Variants in KRT79 observed in about 807,000 individuals in gnomAD.
KRT79 encodes the protein keratin 79, also known as keratin, type II cytoskeletal 79.
In KRT79, 51 loss-of-function variants were observed where a neutral mutation model predicts 49.0. That is an observed-to-expected ratio of 1.04 (90% CI 0.83 to 1.31). KRT79 has a LOEUF of 1.31. KRT79 is among the 40% of genes most tolerant of loss of function. The pLI is 0.00. For synonymous variants in KRT79, 312 were observed against 286.6 expected (o/e 1.09, Z -0.90); for missense variants, 728 against 688.0 (o/e 1.06, Z -0.65).
In KRT79 at chr12:52,834,271, G is replaced by T. The variant is rs1325936535; in HGVS notation, c.-11C>A. Reference sequence around the variant, plus strand: ...GACGGAGGACCTCATAGCTGCAGAGGGGCCGGAGGGCAGGATGAGAGGGCA... The same window carrying T: ...GACGGAGGACCTCATAGCTGCAGAGTGGCCGGAGGGCAGGATGAGAGGGCA... On this transcript the variant is annotated 5_prime_UTR_variant, in exon 1 of 9. Transcript: ENST00000330553. 5 of 1,603,876 alleles carry T rather than the reference G, an allele frequency of 3.1e-6. No homozygotes were observed. The highest frequency in any genetic ancestry group is 4.3e-6 in the Non-Finnish European group (5 of 1,172,456).
At chr12:52,830,922 C>G (rs115277326) in intron 2 of KRT79, among the ~76,000 whole-genome samples, 4,120 of 152,066 alleles carry the variant, frequency 0.027, 185 homozygotes, top group African/African-American at 0.094. Context: ...TGTGATTATG[C>G]CACTGTATGT....
chr12:52,825,016 C>T (rs1297619585), intron 4 of KRT79, among the ~76,000 whole-genome samples: 4 of 152,186 alleles, frequency 2.6e-5, no homozygotes, highest in Non-Finnish European at 4.4e-5. Context: ...CTAGAACCAT[C>T]GTCCTTCACA....
Position 52,824,386 on chromosome 12 carries a change from AC to A in KRT79, c.856-25del, listed in dbSNP as rs760562358. The A allele has an allele frequency of 1.9e-6, 3 of 1,610,112 alleles. No individual in the cohort carries two copies. In the East Asian group the frequency reaches 6.7e-5, roughly 36 times the overall value. ...TCCTGAAGAATCAGAGACAGCTGCC[AC>A]CAGCACCCCTGCTCCAGGCCCCAGG... is the stretch of plus-strand genomic sequence containing the variant. On this transcript the variant is annotated intron_variant, in intron 4 of 8. Coordinates refer to ENST00000330553, the MANE Select transcript of KRT79 (RefSeq NM_175834.3).
rs528741340 is a variant in KRT79, at chr12:52,821,785, G to A, written c.*87C>T. ...GGTCTGAGGTCCCCTGGCTGTTCCT[G>A]CTCCTGAGAAGTGACTGGAAAGGAC... On this transcript the variant is annotated 3_prime_UTR_variant, in exon 9 of 9. Coordinates refer to ENST00000330553, the MANE Select transcript of KRT79 (RefSeq NM_175834.3). 4 of 1,232,642 alleles carry A rather than the reference G, an allele frequency of 3.2e-6. No homozygotes were observed. In the East Asian group the frequency reaches 9.9e-5, roughly 31 times the overall value. The allele number at this position is 1,232,642 out of a possible 1,614,324, so 76.4% of individuals were successfully genotyped here.
At chr12:52,832,579 CACAGGAAA>C (rs1357747323) in intron 1 of KRT79, among the ~76,000 whole-genome samples, 7 of 151,996 alleles carry the variant, frequency 4.6e-5, no homozygotes, top group African/African-American at 1.7e-4. Flanking sequence ...GGGACAGTCC[CACAGGAAA>C]ACCAAAAGTC....
chr12:52,833,737 C>A (rs754801788), intron 1 of KRT79, 47 bp downstream of exon 1: 1 of 1,492,872 alleles, frequency 6.7e-7, no homozygotes. Flanking sequence ...TATTAGAGGT[C>A]CCGCTTCTTC....
chr12:52,826,766 A>G (rs1940181459), intron 4 of KRT79, among the ~76,000 whole-genome samples: 1 of 152,156 alleles, frequency 6.6e-6, no homozygotes, highest in Middle Eastern at 3.4e-3. Context: ...TTCCTGCCCT[A>G]TGAGACACCC....
In KRT79 at chr12:52,821,891, G is replaced by A. The variant is rs376292220; in HGVS notation, c.1589C>T (p.Thr530Met). ...CAGCAGCTAATACCTCTGGCTGGACGTCTTGACCGTAGTGGTCTTCCGCAG... is the reference window on the plus strand; with the variant it reads ...CAGCAGCTAATACCTCTGGCTGGACATCTTGACCGTAGTGGTCTTCCGCAG... ...SILRKTTTVKTSSQRY is the reference protein window; with the variant it reads ...SILRKTTTVKMSSQRY Residue 530 changes from threonine to methionine, a missense_variant, in exon 9 of 9, where the codon ACG (threonine) becomes ATG (methionine). Thr to Met is a moderately conservative substitution (Grantham distance 81, BLOSUM62 -1). Coordinates refer to ENST00000330553, the MANE Select transcript of KRT79 (RefSeq NM_175834.3). The A allele has an allele frequency of 3.0e-5, 48 of 1,613,948 alleles. No individual in the cohort carries two copies. Among genetic ancestry groups the A allele is most frequent in the Middle Eastern group, 1.6e-4 (1 of 6,084 alleles).
At position 52,821,613 on chromosome 12, in the gene KRT79, C is replaced by CGCCGTCTCATTAA; in HGVS notation, c.*258_*259insTTAATGAGACGGC. ...AGAAATTCAGCCTCCTCTCGGTGGT[C>CGCCGTCTCATTAA]AAAAGGTCACCCCCAAGTCACCCAA... On this transcript the variant is annotated 3_prime_UTR_variant, in exon 9 of 9. Transcript: ENST00000330553. 2.0e-6 allele frequency: 1 copy of CGCCGTCTCATTAA among 494,336 alleles called. No homozygotes were observed. Among genetic ancestry groups the CGCCGTCTCATTAA allele is most frequent in the Non-Finnish European group, 3.6e-6 (1 of 276,416 alleles). 30.6% of individuals were successfully genotyped at this position (494,336 alleles called of 1,614,324 possible). A position where few individuals can be genotyped will look rare whatever the true frequency, so the allele number is the denominator to read the frequency against.
chr12:52,825,537 G>C (rs1414810004), intron 4 of KRT79, among the ~76,000 whole-genome samples: 1 of 152,156 alleles, frequency 6.6e-6, no homozygotes, highest in African/African-American at 2.4e-5. Flanking sequence ...CAAACCCCAG[G>C]AGTCTGACAT....
At chr12:52,822,941 C>T (rs879227021) in intron 7 of KRT79, 75 bp downstream of exon 7, 21 of 1,466,148 alleles carry the variant, frequency 1.4e-5, no homozygotes, top group East Asian at 1.1e-4. Flanking sequence ...CTCTTGACCC[C>T]GGAGCAGACT....
In KRT79 at chr12:52,821,718, G is replaced by A. The variant is rs940512481; in HGVS notation, c.*154C>T. ...AAGGAGAAAACCTGAGTAGATTTGA[G>A]CGCTTCCCAAGATGCAAATAGTCTG... On this transcript the variant is annotated 3_prime_UTR_variant, in exon 9 of 9. Transcript: ENST00000330553. 4.4e-6 allele frequency: 3 copies of A among 677,226 alleles called. No individual in the cohort carries two copies. In the African/African-American group the frequency reaches 5.4e-5, roughly 12 times the overall value. 42.0% of individuals were successfully genotyped at this position (677,226 alleles called of 1,614,324 possible).
rs1565693590 is a variant in KRT79, at chr12:52,833,987, T to C, written c.274A>G (p.Ser92Gly). The C allele has an allele frequency of 4.3e-6, 7 of 1,612,708 alleles. No individual in the cohort carries two copies. The highest frequency in any genetic ancestry group is 1.7e-4 in the Middle Eastern group (1 of 6,044). ...GRALGGFGFG[S>G]RAFMGQGAGR... ...GCCCCCTGTCCCATAAATGCCCTGC[T>C]GCCAAAGCCAAAGCCCCCCAGAGCC... Residue 92 changes from serine to glycine, a missense_variant, in exon 1 of 9, where the codon AGC (serine) becomes GGC (glycine). Transcript: ENST00000330553.
chr12:52,827,883 T>C (rs1940198666), intron 4 of KRT79, among the ~76,000 whole-genome samples: 1 of 152,180 alleles, frequency 6.6e-6, no homozygotes, highest in East Asian at 1.9e-4. Flanking sequence ...CTTGGCCTTG[T>C]TGGAGATCAC....
In KRT79 at chr12:52,833,796, G is replaced by A; in HGVS notation, c.465C>T (p.Ser155=). ...QIKTLNNKFA[S]FIDKVRFLEQ... ...CTGCTTGGCCCACCTTGTCGATGAA[G>A]GAGGCGAACTTGTTGTTGAGGGTCT... The change falls in exon 1 of 9, where the codon TCC becomes TCT. Residue 155 remains serine, a synonymous_variant. Coordinates refer to ENST00000330553, the MANE Select transcript of KRT79 (RefSeq NM_175834.3). 1 of 1,613,796 alleles carries A rather than the reference G, an allele frequency of 6.2e-7. No individual in the cohort carries two copies. Among genetic ancestry groups the A allele is most frequent in the Non-Finnish European group, 8.5e-7 (1 of 1,179,868 alleles).
chr12:52,822,122 G>A (rs1940099755), intron 8 of KRT79, 45 bp from the exon 9 acceptor site: 2 of 1,590,842 alleles, frequency 1.3e-6, no homozygotes, highest in South Asian at 2.2e-5. Flanking sequence ...CCATGCCAGA[G>A]AGGGCTGGGG....
chr12:52,823,145 A>G lies in KRT79; in HGVS notation c.1238T>C (p.Val413Ala). ...DAQKKLGDLD[V>A]ALHQAKEDLT... ...GTCCTCCTTGGCCTGGTGCAGGGCC[A>G]CATCCAGATCCCCAAGCTTCTTCTG... Residue 413 changes from valine (V) to alanine (A), a missense_variant, in exon 7 of 9, where the codon GTG becomes GCG. Transcript: ENST00000330553. The G allele has an allele frequency of 1.2e-6, 2 of 1,614,204 alleles. No individual in the cohort carries two copies. The highest frequency in any genetic ancestry group is 1.7e-6 in the Non-Finnish European group (2 of 1,180,030).
chr12:52,824,067 A>G, intron 5 of KRT79, 55 bp from the exon 6 acceptor site: 2 of 1,613,398 alleles, frequency 1.2e-6, no homozygotes, highest in Non-Finnish European at 1.7e-6. Flanking sequence ...CCACCCTCAC[A>G]GCTGGAGGCC....
chr12:52,824,836 G>A (rs1490924193), intron 4 of KRT79, among the ~76,000 whole-genome samples: 3 of 152,180 alleles, frequency 2.0e-5, no homozygotes, highest in Non-Finnish European at 4.4e-5. Context: ...TCCTGACCAT[G>A]GACAAGTGAG....
Sources: gnomAD v4.1 joint callset for allele counts (sites outside exome capture counted in the v4.1 genomes callset) on GRCh38, gnomAD v4.1.1 for gene constraint, MANE v1.5 for transcripts, NCBI Gene and HGNC (gene_info 2026-07-23, HGNC 2026-07-21) for gene names.